KPTN: variants seen among roughly 807,000 people sequenced by gnomAD.
KPTN encodes kaptin, actin binding protein.
Under a neutral mutation model 52.6 loss-of-function variants are expected in KPTN, and 36 were observed. That is an observed-to-expected ratio of 0.68 (90% confidence interval 0.52 to 0.90). The LOEUF (loss-of-function observed/expected upper bound fraction) is 0.90. Ranked by LOEUF, KPTN falls within the 40% of genes least tolerant of loss-of-function variation. The pLI is 0.00. For synonymous variants in KPTN, 271 were observed against 248.4 expected, an observed-to-expected ratio of 1.09 and a Z score of -0.85; for missense variants, 529 against 576.2, an observed-to-expected ratio of 0.92 and a Z score of 0.84.
In KPTN at chr19:47,475,551, G is replaced by C. The variant is rs757575545; in HGVS notation, c.1183-7C>G. 1 of 1,611,716 alleles carries C rather than the reference G, an allele frequency of 6.2e-7. No homozygotes were observed. Among genetic ancestry groups the C allele is most frequent in the Non-Finnish European group, 8.5e-7 (1 of 1,178,250 alleles). ...AGGCCTGAATCAGGCTGTGCTGTGG[G>C]GAACAAGAGAATGAGGGGGATGGAG... On this transcript the variant is annotated splice_polypyrimidine_tract_variant and splice_region_variant and intron_variant, in intron 11 of 11. Coordinates refer to ENST00000338134, the MANE Select transcript of KPTN (RefSeq NM_007059.4).
Position 47,476,579 on chromosome 19 carries a change from G to A in KPTN, c.1135C>T (p.Leu379=), listed in dbSNP as rs774365027. The A allele has an allele frequency of 1.2e-6, 2 of 1,611,872 alleles. No individual in the cohort carries two copies. The highest frequency in any genetic ancestry group is 2.2e-5 in the South Asian group (2 of 90,868). ...MAHVDLTGDG[L]QELAVVSLKG... ...AGGGAGACCACGGCAAGCTCCTGCA[G>A]CCCATCCCCGGTCAGGTCCACGTGA... Residue 379 remains leucine, a synonymous_variant, in exon 11 of 12, where the codon CTG becomes TTG. Coordinates refer to ENST00000338134, the MANE Select transcript of KPTN (RefSeq NM_007059.4).
rs1967834521 is a variant in KPTN at position 47,480,379 on chromosome 19, G to A, written c.628C>T (p.Pro210Ser). The change falls in exon 7 of 12, where the codon CCC becomes TCC. Residue 210 changes from proline (P) to serine (S), a missense_variant. By Grantham distance (74) the Pro-to-Ser change is moderately conservative. Transcript: ENST00000338134. The stretch of plus-strand genomic sequence containing the variant: ...GCTGAGAGGCGCCGGGACGTGCCGG[G>A]GAAGTTGTGGACGTCCAGCCAGAGG... The part of the protein sequence containing the change: ...SVLWLDVHNF[P>S]GTSRRLSALG... 2 of 1,549,434 alleles carry A rather than the reference G, an allele frequency of 1.3e-6. No homozygotes were observed. Among genetic ancestry groups the A allele is most frequent in the East Asian group, 4.9e-5 (2 of 40,828 alleles).
chr19:47,480,613 C>A, intron 6 of KPTN, 147 bp downstream of exon 6: 1 of 832,624 alleles, frequency 1.2e-6, no homozygotes, highest in South Asian at 1.5e-5. Context: ...CTGGGGTCAC[C>A]CCTGCTGATC....
At position 47,479,215 on chromosome 19, in the gene KPTN, G is replaced by T. The variant is rs974188501; in HGVS notation, c.787+648C>A. 8.5e-5 allele frequency among the ~76,000 whole-genome samples: 13 copies of T among 152,274 alleles called. No homozygotes were observed. In the South Asian group the frequency reaches 2.5e-3, roughly 29 times the overall value. On this transcript the variant is annotated intron_variant, in intron 8 of 11. Transcript: ENST00000338134. ...CCGCCACCACGCTCCACTAATTTTT[G>T]TATTTTTAGTAGAGACAGGGTTTCA...
chr19:47,485,188 G>A (rs938137642), upstream of KPTN, among the ~76,000 whole-genome samples: 2 of 152,030 alleles, frequency 1.3e-5, no homozygotes, highest in Non-Finnish European at 2.9e-5. Flanking sequence ...CCTCCCTGCC[G>A]GTTCACTTAT....
chr19:47,485,324 G>A (rs115185192), upstream of KPTN, among the ~76,000 whole-genome samples: 473 of 152,350 alleles, frequency 3.1e-3, 2 homozygotes, highest in African/African-American at 0.011. Context: ...TCAAATGGAG[G>A]CTCAGAAAGA....
At chr19:47,480,898 C>G (rs1383478533) in intron 5 of KPTN, 60 bp downstream of exon 5, 1 of 1,611,040 alleles carries the variant, frequency 6.2e-7, no homozygotes, top group Non-Finnish European at 8.5e-7. Context: ...CATATACCCA[C>G]CCAGCGCCAG....
Position 47,483,936 on chromosome 19 carries a change from G to T in KPTN, c.225C>A (p.Pro75=). The stretch of plus-strand genomic sequence containing the variant: ...CCCCAGCACCATAGCGCCACCCACC[G>T]GGAATGTAGTTGAACTGCAGCTCCT... ...VAKELQFNYI[P]VDAEIVSIDT... Residue 75 remains proline (P), a splice_region_variant and synonymous_variant, in exon 1 of 12, where the codon CCC becomes CCA. Coordinates refer to ENST00000338134, the MANE Select transcript of KPTN (RefSeq NM_007059.4). 1.2e-6 allele frequency: 2 copies of T among 1,612,460 alleles called. No homozygotes were observed. Among genetic ancestry groups the T allele is most frequent in the Non-Finnish European group, 1.7e-6 (2 of 1,179,722 alleles).
intron 8 of KPTN, among the ~76,000 whole-genome samples, chr19:47,479,319 C>T (rs765777701): frequency 6.6e-5 from 10 of 152,114 alleles, no homozygotes; most frequent in Admixed American, 1.3e-4. Flanking sequence ...CTGGGATTAC[C>T]GCGCCTAGTC....
Position 47,479,232 on chromosome 19 carries a change from A to G in KPTN, c.787+631T>C, listed in dbSNP as rs552140412. Among the ~76,000 whole-genome samples, 41 of 152,312 alleles carry G rather than the reference A, an allele frequency of 2.7e-4. No individual in the cohort carries two copies. In the East Asian group the frequency reaches 7.7e-3, roughly 29 times the overall value. On this transcript the variant is annotated intron_variant, in intron 8 of 11. Coordinates refer to ENST00000338134, the MANE Select transcript of KPTN (RefSeq NM_007059.4). Reference sequence around the variant, plus strand: ...TAATTTTTGTATTTTTAGTAGAGACAGGGTTTCACCGTGTTGGTCAGGCTG... The same window carrying G: ...TAATTTTTGTATTTTTAGTAGAGACGGGGTTTCACCGTGTTGGTCAGGCTG...
In KPTN at chr19:47,475,410, G is replaced by A. The variant is rs1967628078; in HGVS notation, c.*6C>T. 1 of 1,611,544 alleles carries A rather than the reference G, an allele frequency of 6.2e-7. No individual in the cohort carries two copies. The highest frequency in any genetic ancestry group is 8.5e-7 in the Non-Finnish European group (1 of 1,178,300). ...CCAGGTCTGGGAAGAGTGGGTGCAT[G>A]GGTGCTTAAGAGGCTGCATTCTCAG... On this transcript the variant is annotated 3_prime_UTR_variant, in exon 12 of 12. Transcript: ENST00000338134.
Position 47,476,647 on chromosome 19 carries a change from A to T in KPTN, c.1067T>A (p.Leu356Gln). Residue 356 changes from leucine (L) to glutamine (Q), a missense_variant, in exon 11 of 12, where the codon CTG becomes CAG. By Grantham distance (113) the Leu-to-Gln change is moderately radical. Transcript: ENST00000338134. Reference protein sequence around the residue: ...GLPEAQHGFHLLWQRSFSSPL... With the variant: ...GLPEAQHGFHQLWQRSFSSPL... ...ACTGGAGAAGCTCCGCTGCCACAGC[A>T]GATGGAACCCGTGCTGGGCCTCAGG... The T allele has an allele frequency of 1.2e-6, 2 of 1,613,132 alleles. No individual in the cohort carries two copies. The highest frequency in any genetic ancestry group is 1.7e-6 in the Non-Finnish European group (2 of 1,179,820).
chr19:47,481,036 G>GA lies in KPTN; in HGVS notation c.450-4dup. On this transcript the variant is annotated splice_polypyrimidine_tract_variant and splice_region_variant and intron_variant, in intron 4 of 11. Coordinates refer to ENST00000338134, the MANE Select transcript of KPTN (RefSeq NM_007059.4). Reference sequence around the variant, plus strand: ...CAAGTTGATCCCCGACCTGGACCCTGAAAGCAGAGAAATCTAGAACCCAAG... The same window carrying GA: ...CAAGTTGATCCCCGACCTGGACCCTGAAAAGCAGAGAAATCTAGAACCCAAG... 1 of 1,573,424 alleles carries GA rather than the reference G, an allele frequency of 6.4e-7. No individual in the cohort carries two copies. Among genetic ancestry groups the GA allele is most frequent in the South Asian group, 1.2e-5 (1 of 86,510 alleles).
At chr19:47,478,567 T>TGAAAAAAAAA (rs1967755974) in intron 8 of KPTN, among the ~76,000 whole-genome samples, 2 of 66,234 alleles carry the variant, frequency 3.0e-5, no homozygotes, top group African/African-American at 4.9e-5. Context: ...AGACTCTGTC[T>TGAAAAAAAAA]AAAAAAAAAA....
rs200192820 is a variant in KPTN, at chr19:47,483,145, C to A, written c.449+16G>T. ...ATTTACAGTGGAGTGGGCGTCGATG[C>A]GCAGGGGACACTCACTCCGCATGGC... On this transcript the variant is annotated intron_variant, in intron 4 of 11. Transcript: ENST00000338134. 6 of 1,612,628 alleles carry A rather than the reference C, an allele frequency of 3.7e-6. No homozygotes were observed. The highest frequency in any genetic ancestry group is 1.7e-5 in the Admixed American group (1 of 59,996).
At chr19:47,483,240 A>T in intron 3 of KPTN, 25 bp from the exon 4 acceptor site, 1 of 1,613,630 alleles carries the variant, frequency 6.2e-7, no homozygotes, top group Non-Finnish European at 8.5e-7. Flanking sequence ...CAGGCAGGTT[A>T]GCATGGGGGA....
Position 47,480,743 on chromosome 19 carries a change from T to C in KPTN, c.599+17A>G. On this transcript the variant is annotated intron_variant, in intron 6 of 11. Coordinates refer to ENST00000338134, the MANE Select transcript of KPTN (RefSeq NM_007059.4). ...AGTGCCCCGGTCCCCAGTGGCCTCT[T>C]TCGGGGCCTCTCCTACCTACTGGTC... 1 of 1,612,684 alleles carries C rather than the reference T, an allele frequency of 6.2e-7. No individual in the cohort carries two copies. Among genetic ancestry groups the C allele is most frequent in the Non-Finnish European group, 8.5e-7 (1 of 1,178,732 alleles).
intron 11 of KPTN, 105 bp from the exon 12 acceptor site, chr19:47,475,649 A>G (rs1430599960): frequency 7.3e-7 from 1 of 1,366,812 alleles, no homozygotes; most frequent in Non-Finnish European, 1.0e-6. Context: ...AGCTCGGCCC[A>G]CGTGGGAGGG....
rs148664923 is a variant in KPTN, at chr19:47,475,381, C to T, written c.*35G>A. On this transcript the variant is annotated 3_prime_UTR_variant, in exon 12 of 12. Coordinates refer to ENST00000338134, the MANE Select transcript of KPTN (RefSeq NM_007059.4). ...GGCTGGAGGTGAGCACGCCATGAGTCGCCCCAGGTCTGGGAAGAGTGGGTG... is the reference window on the plus strand; with the variant it reads ...GGCTGGAGGTGAGCACGCCATGAGTTGCCCCAGGTCTGGGAAGAGTGGGTG... 7.3e-3 allele frequency: 11,685 copies of T among 1,603,616 alleles called. 62 individuals are homozygous for T. Among genetic ancestry groups the T allele is most frequent in the Non-Finnish European group, 8.5e-3 (9,937 of 1,173,546 alleles).
Sources: gnomAD v4.1 joint callset for allele counts (sites outside exome capture counted in the v4.1 genomes callset) on GRCh38, gnomAD v4.1.1 for gene constraint, MANE v1.5 for transcripts, NCBI Gene and HGNC (gene_info 2026-07-23, HGNC 2026-07-21) for gene names.